RPA3: variants seen among roughly 807,000 people sequenced by gnomAD.
The protein encoded by RPA3 is replication protein A 14 kDa subunit.
Under a neutral mutation model 13.7 loss-of-function variants are expected in RPA3, and 24 were observed. The observed-to-expected ratio is 1.75, with a 90% CI of 1.27 to 2.46. The LOEUF (loss-of-function observed/expected upper bound fraction) is 2.46. Ranked by LOEUF, RPA3 falls within the 30% of genes most tolerant of loss-of-function variation. The pLI is 0.00. For synonymous variants in RPA3, 59 were observed against 51.2 expected, an observed-to-expected ratio of 1.15 and a Z score of -0.65; for missense variants, 183 against 151.0, an observed-to-expected ratio of 1.21 and a Z score of -1.11.
At chr7:7,664,950 GA>G (rs1313135438) in intron 4 of RPA3, among the ~76,000 whole-genome samples, 1 of 152,098 alleles carries the variant, frequency 6.6e-6, no homozygotes, top group African/African-American at 2.4e-5. Context: ...TCAGCACTGT[GA>G]AATTTACATA....
At chr7:7,670,404 C>A (rs1779577116) in intron 4 of RPA3, among the ~76,000 whole-genome samples, 1 of 152,140 alleles carries the variant, frequency 6.6e-6, no homozygotes, top group African/African-American at 2.4e-5. Context: ...GCACAGTGAA[C>A]AAGGCAAGTC....
intron 1 of RPA3, among the ~76,000 whole-genome samples, chr7:7,715,717 T>G (rs1780884264): frequency 6.6e-6 from 1 of 152,184 alleles, no homozygotes; most frequent in South Asian, 2.1e-4. Context: ...GTAATATCCT[T>G]CCTGTAATCC....
intron 4 of RPA3, chr7:7,676,066 C>T: frequency 2.5e-6 from 1 of 398,694 alleles, no homozygotes; most frequent in Non-Finnish European, 4.4e-6. Context: ...TCTTCGTTCT[C>T]TTTTCATCAT....
At chr7:7,680,386 C>T (rs62432578) in intron 4 of RPA3, among the ~76,000 whole-genome samples, 8,732 of 152,108 alleles carry the variant, frequency 0.057, 325 homozygotes, top group Middle Eastern at 0.13. Context: ...GTATTTGGTT[C>T]CATTCGTCCA....
intron 2 of RPA3, among the ~76,000 whole-genome samples, chr7:7,708,383 A>G (rs1159507204): frequency 1.3e-5 from 2 of 152,196 alleles, no homozygotes; most frequent in East Asian, 3.8e-4. Flanking sequence ...GTAGAGAGAT[A>G]TATATTATAA....
chr7:7,667,951 A>G (rs1179854644), intron 4 of RPA3, among the ~76,000 whole-genome samples: 1 of 152,110 alleles, frequency 6.6e-6, no homozygotes, highest in East Asian at 1.9e-4. Context: ...CATTTAACAC[A>G]GGGTCTTGCT....
At chr7:7,665,790 T>C (rs1563100268) in intron 4 of RPA3, among the ~76,000 whole-genome samples, 1 of 152,116 alleles carries the variant, frequency 6.6e-6, no homozygotes, top group South Asian at 2.1e-4. Context: ...TCATATAGTA[T>C]GAACTTTTAT....
At chr7:7,675,496 A>G (rs1013502600) in intron 4 of RPA3, among the ~76,000 whole-genome samples, 1 of 152,168 alleles carries the variant, frequency 6.6e-6, no homozygotes, top group Non-Finnish European at 1.5e-5. Context: ...TCTGCCTCCG[A>G]GTATTATCTA....
intron 4 of RPA3, among the ~76,000 whole-genome samples, chr7:7,664,719 T>C (rs1352688029): frequency 2.0e-5 from 3 of 152,214 alleles, no homozygotes; most frequent in Non-Finnish European, 4.4e-5. Flanking sequence ...TTCACATTGA[T>C]CTTTCTGGAA....
chr7:7,685,257 G>T (rs1236554291), intron 4 of RPA3, among the ~76,000 whole-genome samples: 1 of 151,050 alleles, frequency 6.6e-6, no homozygotes. Context: ...TTTATTCATT[G>T]CATGCAACCA....
At chr7:7,705,602 G>A (rs751714364) in intron 2 of RPA3, among the ~76,000 whole-genome samples, 2 of 151,936 alleles carry the variant, frequency 1.3e-5, no homozygotes, top group Non-Finnish European at 2.9e-5. Flanking sequence ...TCTATTATAG[G>A]GATAATGAAT....
intron 2 of RPA3, among the ~76,000 whole-genome samples, chr7:7,692,772 G>A (rs997015098): frequency 2.0e-5 from 3 of 152,088 alleles, no homozygotes; most frequent in Non-Finnish European, 4.4e-5. Context: ...ACCATGCCCA[G>A]CTAATTTTCG....
At chr7:7,660,386 C>T (rs951120754) in intron 4 of RPA3, among the ~76,000 whole-genome samples, 3 of 152,174 alleles carry the variant, frequency 2.0e-5, no homozygotes, top group South Asian at 2.1e-4. Flanking sequence ...GATGCAGTTT[C>T]TTCATAGTGT....
chr7:7,680,113 G>A (rs976766228), intron 4 of RPA3, among the ~76,000 whole-genome samples: 4 of 151,944 alleles, frequency 2.6e-5, no homozygotes, highest in African/African-American at 9.7e-5. Context: ...AGAAATCTTT[G>A]TTCAGATTAC....
chr7:7,674,192 C>T (rs773846652), intron 4 of RPA3, among the ~76,000 whole-genome samples: 6 of 152,144 alleles, frequency 3.9e-5, no homozygotes, highest in Non-Finnish European at 8.8e-5. Context: ...ATTCCTACTC[C>T]TTCTCTGAGA....
intron 2 of RPA3, among the ~76,000 whole-genome samples, chr7:7,700,934 C>G (rs998054926): frequency 6.6e-6 from 1 of 152,006 alleles, no homozygotes; most frequent in Non-Finnish European, 1.5e-5. Flanking sequence ...CCTGTAGTCC[C>G]ACCTACATGG....
intron 4 of RPA3, among the ~76,000 whole-genome samples, chr7:7,641,994 G>T (rs1408260676): frequency 6.6e-6 from 1 of 152,174 alleles, no homozygotes; most frequent in East Asian, 1.9e-4. Context: ...TGTCAGTGGT[G>T]TATAAAAAAG....
At chr7:7,717,345 C>A (rs966090874) in intron 1 of RPA3, among the ~76,000 whole-genome samples, 1 of 152,182 alleles carries the variant, frequency 6.6e-6, no homozygotes, top group African/African-American at 2.4e-5. Flanking sequence ...GCATAAGCCA[C>A]CTCGCCCAGC....
chr7:7,645,222 CT>C (rs1785066836), intron 4 of RPA3, among the ~76,000 whole-genome samples: 1 of 151,684 alleles, frequency 6.6e-6, no homozygotes. Flanking sequence ...TCTTTCTTAC[CT>C]TTTGCCTAGG....
Sources: allele counts gnomAD v4.1 joint callset (sites outside exome capture counted in the v4.1 genomes callset), GRCh38; gene constraint gnomAD v4.1.1; transcripts MANE v1.5; gene names NCBI Gene and HGNC (gene_info 2026-07-23, HGNC 2026-07-21).